SMAD2: variants seen among roughly 807,000 people sequenced by gnomAD.
SMAD2 encodes MAD homolog 2.
Under a neutral mutation model 64.4 loss-of-function variants are expected in SMAD2, and 8 were observed. The observed-to-expected ratio is 0.12, with a 90% CI of 0.07 to 0.22. The LOEUF is 0.22. Among genes scored for constraint, SMAD2 ranks in the 10% least tolerant of loss-of-function variants. SMAD2 has a pLI of 1.00. For missense variants in SMAD2, 289 were observed against 561.2 expected (o/e 0.51, Z 4.90); for synonymous variants, 203 against 195.8 (o/e 1.04, Z -0.31).
chr18:47,867,686 C>T (rs74938086), intron 5 of SMAD2, among the ~76,000 whole-genome samples: 3 of 144,260 alleles, frequency 2.1e-5, no homozygotes, highest in Non-Finnish European at 3.0e-5. Flanking sequence ...CCATAAAAAA[C>T]GAAAAGGCCA....
chr18:47,820,896 T>TACACACACACACACACACACACAC lies in SMAD2; in HGVS notation c.*20907_*20930dup, dbSNP rs57448043. On this transcript the variant is annotated 3_prime_UTR_variant, in exon 11 of 11. Transcript: ENST00000262160. ...TAGTGTAAATGCTATACATGCACTA[T>TACACACACACACACACACACACAC]ACACACACACACACACACACACACA... 6.7e-6 allele frequency: 1 copy of TACACACACACACACACACACACAC among 148,224 alleles called. No homozygotes were observed. Among genetic ancestry groups the TACACACACACACACACACACACAC allele is most frequent in the African/African-American group, 2.5e-5 (1 of 39,418 alleles). The allele number at this position is 148,224 out of a possible 1,614,324, so 9.2% of individuals were successfully genotyped here. A position where few individuals can be genotyped will look rare whatever the true frequency, so the allele number is the denominator to read the frequency against.
At chr18:47,882,599 ACTTTT>A (rs1261459552) in intron 2 of SMAD2, among the ~76,000 whole-genome samples, 9 of 152,336 alleles carry the variant, frequency 5.9e-5, no homozygotes, top group East Asian at 3.9e-4. Flanking sequence ...TTAATCTTTA[ACTTTT>A]CTTTTAGTTG....
At position 47,837,890 on chromosome 18, in the gene SMAD2, T is replaced by C. The variant is rs1324677465; in HGVS notation, c.*3937A>G. ...AAAGACTGTACATGAAGACATATTT[T>C]ATGTACAGTGAAGATTGTCTTGTGT... On this transcript the variant is annotated 3_prime_UTR_variant, in exon 11 of 11. Coordinates refer to ENST00000262160, the MANE Select transcript of SMAD2 (RefSeq NM_005901.6). The C allele has an allele frequency of 4.3e-6, 1 of 232,772 alleles. No homozygotes were observed. The highest frequency in any genetic ancestry group is 2.2e-5 in the African/African-American group (1 of 45,288). 14.4% of individuals were successfully genotyped at this position (232,772 alleles called of 1,614,324 possible). A position where few individuals can be genotyped will look rare whatever the true frequency, so the allele number is the denominator to read the frequency against.
chr18:47,895,937 T>C (rs1035456215), intron 2 of SMAD2, among the ~76,000 whole-genome samples: 2 of 152,244 alleles, frequency 1.3e-5, no homozygotes, highest in Admixed American at 1.3e-4. Flanking sequence ...ACAATACTTA[T>C]GACAGTGGTA....
Position 47,836,035 on chromosome 18 carries a change from T to C in SMAD2, c.*5792A>G. On this transcript the variant is annotated 3_prime_UTR_variant, in exon 11 of 11. Transcript: ENST00000262160. Reference sequence around the variant, plus strand: ...CAATGGTGAAGTTCTGGATTCATTATGGATCTCATGGCACCAAACCAACTG... The same window carrying C: ...CAATGGTGAAGTTCTGGATTCATTACGGATCTCATGGCACCAAACCAACTG... 4.7e-6 allele frequency: 1 copy of C among 214,088 alleles called. No homozygotes were observed. The highest frequency in any genetic ancestry group is 6.9e-5 in the East Asian group (1 of 14,392). 13.3% of individuals were successfully genotyped at this position (214,088 alleles called of 1,614,324 possible).
intron 7 of SMAD2, among the ~76,000 whole-genome samples, chr18:47,849,221 C>A (rs561940108): frequency 6.6e-6 from 1 of 152,086 alleles, no homozygotes; most frequent in Non-Finnish European, 1.5e-5. Flanking sequence ...AAAGAGAAAA[C>A]CCACTCATAC....
Position 47,833,948 on chromosome 18 carries a change from A to C in SMAD2, c.*7879T>G, listed in dbSNP as rs1251173983. 6.2e-5 allele frequency: 14 copies of C among 224,942 alleles called. No individual in the cohort carries two copies. Among genetic ancestry groups the C allele is most frequent in the Non-Finnish European group, 1.1e-4 (12 of 113,120 alleles). The allele number at this position is 224,942 out of a possible 1,614,324, so 13.9% of individuals were successfully genotyped here. A position where few individuals can be genotyped will look rare whatever the true frequency, so the allele number is the denominator to read the frequency against. On this transcript the variant is annotated 3_prime_UTR_variant, in exon 11 of 11. Coordinates refer to ENST00000262160, the MANE Select transcript of SMAD2 (RefSeq NM_005901.6). ...TGTACTTACATATACACATAGGTTC[A>C]GAAGAACTTAGCTATCTAGTTGGCC...
intron 2 of SMAD2, among the ~76,000 whole-genome samples, chr18:47,879,685 T>C (rs2032474918): frequency 6.6e-6 from 1 of 152,214 alleles, no homozygotes; most frequent in Non-Finnish European, 1.5e-5. Context: ...TTTCTTTTTT[T>C]CTCGGGTAAA....
In SMAD2 at chr18:47,825,716, G is replaced by A. The variant is rs139640995; in HGVS notation, c.*16111C>T. The stretch of plus-strand genomic sequence containing the variant: ...CCAAGCACAGCCACATCACCAAAGA[G>A]AACAATTCCTGACCTCCTTGGAAGC... On this transcript the variant is annotated 3_prime_UTR_variant, in exon 11 of 11. Transcript: ENST00000262160. 6.6e-6 allele frequency: 1 copy of A among 152,362 alleles called. No homozygotes were observed. Among genetic ancestry groups the A allele is most frequent in the African/African-American group, 2.4e-5 (1 of 41,576 alleles). The allele number at this position is 152,362 out of a possible 1,614,324, so 9.4% of individuals were successfully genotyped here.
intron 2 of SMAD2, among the ~76,000 whole-genome samples, chr18:47,892,563 C>T (rs1040751294): frequency 6.6e-6 from 1 of 152,186 alleles, no homozygotes; most frequent in African/African-American, 2.4e-5. Flanking sequence ...TTATTTATGA[C>T]TTTTGCATCT....
At position 47,923,178 on chromosome 18, in the gene SMAD2, TAAAAA is replaced by T. The variant is rs546528253; in HGVS notation, c.-54+7178_-54+7182del. Among the ~76,000 whole-genome samples, 243 of 133,900 alleles carry T rather than the reference TAAAAA, an allele frequency of 1.8e-3. 2 individuals carry two copies. Among genetic ancestry groups the T allele is most frequent in the Non-Finnish European group, 1.8e-3 (108 of 61,672 alleles). The allele number at this position is 133,900 out of a possible 152,430, so 87.8% of individuals were successfully genotyped here. A position where few individuals can be genotyped will look rare whatever the true frequency, so the allele number is the denominator to read the frequency against. On this transcript the variant is annotated intron_variant, in intron 1 of 10. Transcript: ENST00000262160. ...TATTGGTTTATCATTCCCAGATTAT[TAAAAA>T]AAAAAAAAAAGCACCTATGACAACA...
chr18:47,894,883 T>C (rs1347043628), intron 2 of SMAD2, among the ~76,000 whole-genome samples: 1 of 152,200 alleles, frequency 6.6e-6, no homozygotes, highest in Non-Finnish European at 1.5e-5. Context: ...GAAATATAGC[T>C]TGACTTCTCA....
At chr18:47,852,188 G>T (rs926349390) in intron 6 of SMAD2, among the ~76,000 whole-genome samples, 1 of 152,054 alleles carries the variant, frequency 6.6e-6, no homozygotes. Context: ...ATGTGTATTA[G>T]GGATGTAAGT....
intron 1 of SMAD2, among the ~76,000 whole-genome samples, chr18:47,915,944 T>C (rs2034317777): frequency 1.3e-5 from 2 of 152,240 alleles, no homozygotes; most frequent in East Asian, 3.8e-4. Flanking sequence ...GAAAGTTCTC[T>C]TGTATTCATT....
intron 10 of SMAD2, chr18:47,844,878 A>C (rs1914342930): frequency 4.6e-6 from 1 of 218,900 alleles, no homozygotes; most frequent in South Asian, 1.1e-4. Flanking sequence ...AGTTTGTCTC[A>C]ATTTAATTGT....
intron 6 of SMAD2, among the ~76,000 whole-genome samples, chr18:47,863,629 T>C (rs1272442864): frequency 6.6e-6 from 1 of 152,194 alleles, no homozygotes; most frequent in African/African-American, 2.4e-5. Context: ...TGCTATACTG[T>C]CATTCCTTTA....
At chr18:47,882,432 A>T (rs1314978301) in intron 2 of SMAD2, 2 of 152,606 alleles carry the variant, frequency 1.3e-5, no homozygotes, top group African/African-American at 4.8e-5. Flanking sequence ...CCTAGGCTTA[A>T]GCAATCCTCC....
At chr18:47,873,840 G>GA (rs1241272843) in intron 2 of SMAD2, among the ~76,000 whole-genome samples, 2 of 152,146 alleles carry the variant, frequency 1.3e-5, no homozygotes, top group African/African-American at 4.8e-5. Flanking sequence ...AGGGCAACTA[G>GA]AATTCAAACA....
intron 7 of SMAD2, 149 bp downstream of exon 7, chr18:47,851,125 A>G (rs1263216469): frequency 5.4e-6 from 3 of 556,774 alleles, no homozygotes; most frequent in South Asian, 2.6e-5. Flanking sequence ...TCTTTTTAAA[A>G]AGCACTACTT....
Sources: gnomAD v4.1 joint callset for allele counts (sites outside exome capture counted in the v4.1 genomes callset) on GRCh38, gnomAD v4.1.1 for gene constraint, MANE v1.5 for transcripts, NCBI Gene and HGNC (gene_info 2026-07-23, HGNC 2026-07-21) for gene names.